DLGAP1: variants seen among roughly 807,000 people sequenced by gnomAD.
DLGAP1 encodes the protein disks large-associated protein 1.
A neutral mutation model predicts 90.8 loss-of-function variants in DLGAP1; 11 were observed. The observed-to-expected ratio is 0.12, with a 90% CI of 0.08 to 0.20. The LOEUF (loss-of-function observed/expected upper bound fraction) is 0.20. DLGAP1 is among the 10% of genes least tolerant of loss of function. The pLI is 1.00. For missense variants in DLGAP1, 1,050 were observed against 1,333.8 expected, an observed-to-expected ratio of 0.79 and a Z score of 3.31; for synonymous variants, 558 against 540.7, an observed-to-expected ratio of 1.03 and a Z score of -0.44.
In DLGAP1 at chr18:3,526,382, A is replaced by C. The variant is rs2051619762; in HGVS notation, c.2479+7812T>G. Among the ~76,000 whole-genome samples the C allele has an allele frequency of 6.6e-6, 1 of 152,170 alleles. No homozygotes were observed. The highest frequency in any genetic ancestry group is 2.4e-5 in the African/African-American group (1 of 41,446). On this transcript the variant is annotated intron_variant, in intron 10 of 12. Transcript: ENST00000315677. This position sits in a 1 kb window ranked among gnomAD's most constrained non-coding sequence, Gnocchi z 4.7. ...CGATAGACCATCACAATGACTGTGCACAGTTTCCGTAACCAAACCTGAAAC... is the reference window on the plus strand; with the variant it reads ...CGATAGACCATCACAATGACTGTGCCCAGTTTCCGTAACCAAACCTGAAAC...
At chr18:4,381,935 G>A (rs1460913527) in intron 1 of DLGAP1, among the ~76,000 whole-genome samples, 5 of 152,144 alleles carry the variant, frequency 3.3e-5, no homozygotes, top group African/African-American at 9.7e-5. Context: ...GTCTTACACG[G>A]CGGCAGACAA....
chr18:4,327,498 G>C (rs1038624520), intron 1 of DLGAP1, among the ~76,000 whole-genome samples: 1 of 152,020 alleles, frequency 6.6e-6, no homozygotes, highest in Non-Finnish European at 1.5e-5. Context: ...CAATATTGAA[G>C]TATAATGGAT....
At chr18:3,639,919 T>TG (rs1389391102) in intron 7 of DLGAP1, among the ~76,000 whole-genome samples, 2 of 147,306 alleles carry the variant, frequency 1.4e-5, no homozygotes, top group East Asian at 3.9e-4. Context: ...CACACCCGGC[T>TG]AATTTTTTGT....
At chr18:3,524,570 T>C (rs374237030) in intron 10 of DLGAP1, among the ~76,000 whole-genome samples, 3 of 152,284 alleles carry the variant, frequency 2.0e-5, no homozygotes, top group East Asian at 1.9e-4. Context: ...ACCTCAAATA[T>C]ACACAAAATT....
At chr18:4,302,176 T>C (rs1056553012) in intron 1 of DLGAP1, among the ~76,000 whole-genome samples, 3 of 152,216 alleles carry the variant, frequency 2.0e-5, no homozygotes, top group Non-Finnish European at 2.9e-5. Context: ...TTTGCTTTTG[T>C]TGCCTGCATT....
At chr18:3,748,514 AAG>A (rs553480348) in intron 5 of DLGAP1, among the ~76,000 whole-genome samples, 44 of 152,264 alleles carry the variant, frequency 2.9e-4, no homozygotes, top group African/African-American at 7.2e-4. Context: ...TCTGCACCCT[AAG>A]TTTTGTTCAT....
intron 1 of DLGAP1, among the ~76,000 whole-genome samples, chr18:4,408,982 C>CACAA (rs1214912326): frequency 5.0e-4 from 1 of 2,010 alleles, no homozygotes; most frequent in African/African-American, 1.4e-3. Context: ...CACACACAAA[C>CACAA]ACACACACAC....
intron 1 of DLGAP1, among the ~76,000 whole-genome samples, chr18:4,198,573 T>A: frequency 6.6e-6 from 1 of 152,194 alleles, no homozygotes; most frequent in East Asian, 1.9e-4. Flanking sequence ...TCGATAATAT[T>A]ATGGAAACTT....
At chr18:4,422,329 G>A (rs281006) in intron 1 of DLGAP1, among the ~76,000 whole-genome samples, 152,013 of 152,026 alleles carry the variant, frequency 1, 76,000 homozygotes, top group Non-Finnish European at 1. Flanking sequence ...ATTGTCAAAT[G>A]AAAAGTTTAT....
intron 7 of DLGAP1, among the ~76,000 whole-genome samples, chr18:3,705,978 G>A (rs1250263706): frequency 8.1e-6 from 1 of 122,888 alleles, no homozygotes; most frequent in East Asian, 2.3e-4. Context: ...ATTATTAATG[G>A]TGCATTTTTT....
intron 1 of DLGAP1, among the ~76,000 whole-genome samples, chr18:4,172,018 A>C (rs1007327955): frequency 5.3e-5 from 8 of 152,326 alleles, no homozygotes; most frequent in African/African-American, 1.9e-4. Flanking sequence ...GATGGAAGAC[A>C]ATCATTATGA....
At chr18:4,095,365 G>T (rs901081878) in intron 2 of DLGAP1, among the ~76,000 whole-genome samples, 1 of 152,142 alleles carries the variant, frequency 6.6e-6, no homozygotes, top group Non-Finnish European at 1.5e-5. Flanking sequence ...AAAAGCTTAG[G>T]CTTGGATGCT....
chr18:3,818,052 A>G (rs2067191977), intron 4 of DLGAP1, among the ~76,000 whole-genome samples: 1 of 152,208 alleles, frequency 6.6e-6, no homozygotes, highest in East Asian at 1.9e-4. Flanking sequence ...ACAAACATAA[A>G]CAAATAATAA....
At chr18:3,988,155 A>G (rs550392838) in intron 3 of DLGAP1, among the ~76,000 whole-genome samples, 2 of 152,108 alleles carry the variant, frequency 1.3e-5, no homozygotes, top group South Asian at 4.2e-4. Context: ...GCTTATGTCC[A>G]CTTCACTCTA....
chr18:3,557,394 C>T (rs2053819520), intron 9 of DLGAP1, among the ~76,000 whole-genome samples: 1 of 151,898 alleles, frequency 6.6e-6, no homozygotes, highest in South Asian at 2.1e-4. Flanking sequence ...TGGTGGCGTG[C>T]CCTTGTAGTC....
intron 1 of DLGAP1, among the ~76,000 whole-genome samples, chr18:4,343,544 T>C (rs1027005398): frequency 1.3e-5 from 2 of 152,078 alleles, no homozygotes; most frequent in Admixed American, 1.3e-4. Context: ...CATCAAAGTA[T>C]AAAGTTTGGC....
At chr18:3,757,201 A>G (rs1191247275) in intron 5 of DLGAP1, among the ~76,000 whole-genome samples, 1 of 152,174 alleles carries the variant, frequency 6.6e-6, no homozygotes, top group Non-Finnish European at 1.5e-5. Context: ...CGAGGTCAGG[A>G]GTTCAAGACC....
At chr18:3,702,448 TG>T (rs1424780480) in intron 7 of DLGAP1, among the ~76,000 whole-genome samples, 2 of 152,230 alleles carry the variant, frequency 1.3e-5, no homozygotes, top group African/African-American at 4.8e-5. Context: ...TACCTTTCTA[TG>T]GGATGGCAAT....
chr18:4,016,407 T>C (rs1045638908), intron 2 of DLGAP1, among the ~76,000 whole-genome samples: 2 of 152,286 alleles, frequency 1.3e-5, no homozygotes, highest in Non-Finnish European at 2.9e-5. Context: ...TTCAAAGATA[T>C]ATGGGAGAGA....
Sources: allele counts gnomAD v4.1 joint callset (sites outside exome capture counted in the v4.1 genomes callset), GRCh38; gene constraint gnomAD v4.1.1; non-coding constraint Gnocchi (gnomAD v3.1); transcripts MANE v1.5; gene names NCBI Gene and HGNC (gene_info 2026-07-23, HGNC 2026-07-21).